The following BCLAF3 variants were observed in gnomAD, a reference collection of about 807,000 sequenced individuals.
The protein encoded by BCLAF3 is BCLAF1 and THRAP3 family member 3.
BCLAF3 carries 24 observed loss-of-function variants against 51.2 expected under a neutral mutation model. The observed-to-expected ratio is 0.47, with a 90% CI of 0.34 to 0.66. The LOEUF (loss-of-function observed/expected upper bound fraction) is 0.66. Among genes scored for constraint, BCLAF3 ranks in the 30% least tolerant of loss-of-function variants. The probability of loss-of-function intolerance (pLI) is 0.01; values close to 1 mark genes in which losing one functional copy is unlikely to be tolerated. For synonymous variants in BCLAF3, 152 were observed against 176.6 expected (o/e 0.86, Z 1.10); for missense variants, 465 against 525.1 (o/e 0.89, Z 1.12).
chrX:19,924,928 C>T (rs189006789), intron 11 of BCLAF3, among the ~76,000 whole-genome samples: 295 of 111,163 alleles, frequency 2.7e-3, no homozygotes, highest in African/African-American at 9.0e-3. Context: ...AAAGACAAGC[C>T]TTATTCCAGG....
At chrX:19,968,142 T>C (rs2072122427) in intron 2 of BCLAF3, among the ~76,000 whole-genome samples, 1 of 112,908 alleles carries the variant, frequency 8.9e-6, no homozygotes, top group Non-Finnish European at 1.9e-5. Context: ...CTATTTTATA[T>C]GTTTCATAGC....
chrX:19,926,733 T>C (rs1000984307), intron 11 of BCLAF3, among the ~76,000 whole-genome samples: 1 of 110,882 alleles, frequency 9.0e-6, no homozygotes, highest in Non-Finnish European at 1.9e-5. Flanking sequence ...CCATTTTCCT[T>C]GAGTGAAAAT....
At chrX:19,937,180 A>G (rs957671421) in intron 9 of BCLAF3, among the ~76,000 whole-genome samples, 8 of 111,752 alleles carry the variant, frequency 7.2e-5, no homozygotes, top group African/African-American at 2.6e-4. Flanking sequence ...TGGCCCCCCA[A>G]AAAATCTTAA....
rs780469602 is a variant in BCLAF3 at position 19,929,669 on chromosome X, T to A, written c.2106+116A>T. 1.2e-3 allele frequency: 882 copies of A among 743,472 alleles called. 8 individuals carry two copies. The African/African-American group carries it at 0.018, about 15-fold the overall frequency. The allele number at this position is 743,472 out of a possible 1,213,427, so 61.3% of individuals were successfully genotyped here. Reference sequence around the variant, plus strand: ...TCAACTATCATGCAACAAGAACATTTAAAAACCCAGGTTGTTTCTTAAAAT... The same window carrying A: ...TCAACTATCATGCAACAAGAACATTAAAAAACCCAGGTTGTTTCTTAAAAT... On this transcript the variant is annotated intron_variant, in intron 11 of 11. Coordinates refer to ENST00000379682, the MANE Select transcript of BCLAF3 (RefSeq NM_001367774.2).
At chrX:19,981,753 G>A (rs938841177) in intron 1 of BCLAF3, among the ~76,000 whole-genome samples, 27 of 111,942 alleles carry the variant, frequency 2.4e-4, no homozygotes, top group African/African-American at 7.8e-4. Flanking sequence ...ATCATGCTAA[G>A]CGAAAGAAGC....
At chrX:19,929,531 G>T in intron 11 of BCLAF3, 2 of 224,106 alleles carry the variant, frequency 8.9e-6, no homozygotes, top group South Asian at 2.1e-4. Context: ...AAATTCTAAA[G>T]TCAAAAGTTC....
chrX:19,971,585 C>A (rs1484612182), intron 1 of BCLAF3, among the ~76,000 whole-genome samples: 1 of 112,237 alleles, frequency 8.9e-6, no homozygotes, highest in Non-Finnish European at 1.9e-5. Context: ...CTGATAGCTT[C>A]GGAAACTGAA....
chrX:19,978,432 A>G (rs2072500906), intron 1 of BCLAF3, among the ~76,000 whole-genome samples: 1 of 112,035 alleles, frequency 8.9e-6, no homozygotes, highest in Admixed American at 9.5e-5. Context: ...AAGTCAATGC[A>G]GATGTGGTAG....
At chrX:19,985,394 C>T (rs1420807317) in intron 1 of BCLAF3, among the ~76,000 whole-genome samples, 1 of 110,256 alleles carries the variant, frequency 9.1e-6, no homozygotes, top group Admixed American at 9.7e-5. Flanking sequence ...GCCTGGGAAA[C>T]ATAACAAGAC....
intron 11 of BCLAF3, among the ~76,000 whole-genome samples, chrX:19,928,058 T>A (rs1341900637): frequency 2.9e-5 from 3 of 102,920 alleles, no homozygotes; most frequent in East Asian, 3.3e-4. Flanking sequence ...TTTAAAAAAC[T>A]TTTTTGTAGA....
At chrX:19,946,256 T>C (rs2071293388) in intron 8 of BCLAF3, among the ~76,000 whole-genome samples, 1 of 112,448 alleles carries the variant, frequency 8.9e-6, no homozygotes, top group Non-Finnish European at 1.9e-5. Context: ...CGCTGGGAGC[T>C]GTAGACCGGG....
intron 8 of BCLAF3, among the ~76,000 whole-genome samples, chrX:19,945,947 C>G (rs1177373746): frequency 9.2e-6 from 1 of 109,106 alleles, no homozygotes; most frequent in Admixed American, 9.6e-5. Flanking sequence ...GTAGGACCCT[C>G]CGAGCCAGGT....
rs1046771304 is a variant in BCLAF3 at position 19,913,938 on chromosome X, T to C, written c.*3367A>G. On this transcript the variant is annotated 3_prime_UTR_variant, in exon 12 of 12. Transcript: ENST00000379682. The stretch of plus-strand genomic sequence containing the variant: ...TCTATGATTCCTCAGTTCTTAAATG[T>C]TCATTCTGTATTTTAATGGACTCAG... The C allele has an allele frequency of 8.9e-5, 10 of 111,950 alleles. No individual in the cohort carries two copies. The highest frequency in any genetic ancestry group is 2.9e-4 in the Admixed American group (3 of 10,512). The allele number at this position is 111,950 out of a possible 1,213,427, so 9.2% of individuals were successfully genotyped here. A position where few individuals can be genotyped will look rare whatever the true frequency, so the allele number is the denominator to read the frequency against.
intron 8 of BCLAF3, among the ~76,000 whole-genome samples, chrX:19,939,915 G>A (rs901109438): frequency 2.7e-5 from 3 of 111,917 alleles, no homozygotes; most frequent in Non-Finnish European, 3.8e-5. Context: ...GAGGTTACCA[G>A]GGGCTGCAGA....
chrX:19,980,689 G>A (rs1603339635), intron 1 of BCLAF3, among the ~76,000 whole-genome samples: 1 of 111,694 alleles, frequency 9.0e-6, no homozygotes, highest in Middle Eastern at 4.6e-3. Flanking sequence ...TGTAATCCCA[G>A]CACTTTGGGA....
intron 1 of BCLAF3, among the ~76,000 whole-genome samples, chrX:19,989,872 T>TG (rs2072895440): frequency 9.0e-6 from 1 of 110,950 alleles, no homozygotes; most frequent in African/African-American, 3.3e-5. Flanking sequence ...AAAGGTTTCT[T>TG]GGGGGTGACT....
At chrX:19,935,958 G>A in intron 9 of BCLAF3, 60 bp from the exon 10 acceptor site, 1 of 925,791 alleles carries the variant, frequency 1.1e-6, no homozygotes, top group Non-Finnish European at 1.6e-6. Flanking sequence ...TTAAAAGCTT[G>A]TTTTACCATT....
chrX:19,989,174 A>G (rs2072881379), intron 1 of BCLAF3, among the ~76,000 whole-genome samples: 1 of 110,549 alleles, frequency 9.0e-6, no homozygotes, highest in Non-Finnish European at 1.9e-5. Flanking sequence ...CTGCCCAATA[A>G]TTCTATCATC....
intron 11 of BCLAF3, among the ~76,000 whole-genome samples, chrX:19,924,458 G>A (rs1026298597): frequency 9.0e-6 from 1 of 110,844 alleles, no homozygotes; most frequent in Non-Finnish European, 1.9e-5. Flanking sequence ...TTGCACCCTG[G>A]CACACTTCAG....
Sources: gnomAD v4.1 joint callset for allele counts (sites outside exome capture counted in the v4.1 genomes callset) on GRCh38, gnomAD v4.1.1 for gene constraint, MANE v1.5 for transcripts, NCBI Gene and HGNC (gene_info 2026-07-23, HGNC 2026-07-21) for gene names.